ST18: variants seen among roughly 807,000 people sequenced by gnomAD.
ST18 encodes suppression of tumorigenicity 18 protein.
Under a neutral mutation model 110.0 loss-of-function variants are expected in ST18, and 50 were observed. That is an observed-to-expected ratio of 0.45 (90% confidence interval 0.36 to 0.58). The LOEUF is 0.58. Ranked by LOEUF, ST18 falls within the 20% of genes least tolerant of loss-of-function variation. The pLI, the probability that ST18 is intolerant of heterozygous loss-of-function variation, is 0.00. For synonymous variants in ST18, 461 were observed against 452.4 expected, an observed-to-expected ratio of 1.02 and a Z score of -0.24; for missense variants, 1,306 against 1,280.1, an observed-to-expected ratio of 1.02 and a Z score of -0.31.
intron 2 of ST18, among the ~76,000 whole-genome samples, chr8:52,367,159 G>A (rs756604563): frequency 6.6e-6 from 1 of 151,900 alleles, no homozygotes; most frequent in South Asian, 2.1e-4. Context: ...TTGAATCCGG[G>A]AGGTAGAGGC....
intron 2 of ST18, among the ~76,000 whole-genome samples, chr8:52,263,597 GT>G (rs1414263750): frequency 7.2e-6 from 1 of 138,472 alleles, no homozygotes; most frequent in African/African-American, 2.8e-5. Flanking sequence ...ATATCATGTA[GT>G]TTTTTTGTTT....
At chr8:52,350,008 G>A (rs981325129) in intron 2 of ST18, among the ~76,000 whole-genome samples, 18 of 152,168 alleles carry the variant, frequency 1.2e-4, no homozygotes, top group South Asian at 6.2e-4. Context: ...GCAACTCCAC[G>A]CCCTTCCTCC....
intron 2 of ST18, among the ~76,000 whole-genome samples, chr8:52,345,688 G>A (rs959912371): frequency 1.3e-5 from 2 of 152,176 alleles, no homozygotes; most frequent in African/African-American, 2.4e-5. Context: ...CTAAAGACTT[G>A]TCATTAAGTG....
At chr8:52,146,401 T>C (rs544137401) in intron 16 of ST18, among the ~76,000 whole-genome samples, 1 of 152,284 alleles carries the variant, frequency 6.6e-6, no homozygotes, top group African/African-American at 2.4e-5. Context: ...TAAATTTTTC[T>C]CAATAACCCC....
intron 2 of ST18, among the ~76,000 whole-genome samples, chr8:52,291,360 A>T (rs888396205): frequency 3.3e-5 from 5 of 152,188 alleles, no homozygotes; most frequent in African/African-American, 1.2e-4. Context: ...GTGTGTGGAG[A>T]TGCTGACTGC....
chr8:52,147,524 A>G (rs1325487103), intron 16 of ST18, among the ~76,000 whole-genome samples: 1 of 152,098 alleles, frequency 6.6e-6, no homozygotes, highest in Non-Finnish European at 1.5e-5. Context: ...TTTTGTTACT[A>G]CCCAGGATTG....
At chr8:52,154,752 G>C (rs2059616400) in intron 15 of ST18, 1 of 152,154 alleles carries the variant, frequency 6.6e-6, no homozygotes, top group East Asian at 1.9e-4. Context: ...AGTGGTTCAT[G>C]CCTGTAATCC....
chr8:52,270,304 G>A (rs2095031895), intron 2 of ST18, among the ~76,000 whole-genome samples: 1 of 152,140 alleles, frequency 6.6e-6, no homozygotes, highest in Non-Finnish European at 1.5e-5. Context: ...TTCATCAAAT[G>A]TTTGCTCTGT....
intron 8 of ST18, among the ~76,000 whole-genome samples, chr8:52,197,889 G>GCA (rs57662247): frequency 0.15 from 22,716 of 150,124 alleles, 2,732 homozygotes; most frequent in African/African-American, 0.33. Context: ...AACAAAATGA[G>GCA]CACACACACA....
intron 2 of ST18, among the ~76,000 whole-genome samples, chr8:52,276,065 A>G (rs2095234808): frequency 2.3e-5 from 3 of 129,154 alleles, no homozygotes; most frequent in African/African-American, 8.8e-5. Flanking sequence ...GACATCACAC[A>G]TACACATCAC....
chr8:52,155,745 T>C (rs1354381134), intron 15 of ST18, among the ~76,000 whole-genome samples: 1 of 152,206 alleles, frequency 6.6e-6, no homozygotes, highest in African/African-American at 2.4e-5. Context: ...TCCTATGATC[T>C]TCTACAAGAT....
chr8:52,154,657 T>C (rs2059598419), intron 15 of ST18: 1 of 152,174 alleles, frequency 6.6e-6, no homozygotes, highest in African/African-American at 2.4e-5. Flanking sequence ...GGCCCCTTTG[T>C]GTCTTCCAAA....
chr8:52,319,151 T>C (rs989623790), intron 2 of ST18, among the ~76,000 whole-genome samples: 4 of 152,160 alleles, frequency 2.6e-5, no homozygotes, highest in African/African-American at 7.2e-5. Flanking sequence ...ACAAAAAATA[T>C]TGGTGAAAGT....
intron 2 of ST18, among the ~76,000 whole-genome samples, chr8:52,271,285 T>C (rs2095067084): frequency 6.6e-6 from 1 of 152,214 alleles, no homozygotes; most frequent in African/African-American, 2.4e-5. Context: ...CTCTTCCAGA[T>C]TGCATTCCAC....
intron 25 of ST18, 48 bp downstream of exon 25, chr8:52,116,227 A>G: frequency 6.3e-7 from 1 of 1,589,754 alleles, no homozygotes; most frequent in African/African-American, 1.3e-5. Flanking sequence ...GCATGATGAC[A>G]CTGCAAATGC....
intron 2 of ST18, chr8:52,254,390 G>C (rs1322024852): frequency 6.6e-6 from 1 of 152,144 alleles, no homozygotes; most frequent in Non-Finnish European, 1.5e-5. Flanking sequence ...ACCTGCGTTT[G>C]TGTCCCCTCC....
rs148587231 is a variant in ST18 at position 52,142,192 on chromosome 8, C to G, written c.2168+738G>C. On this transcript the variant is annotated intron_variant, in intron 17 of 25. Coordinates refer to ENST00000689386, the MANE Select transcript of ST18 (RefSeq NM_001352837.2). ...GAAAGATTCAGGAGGGAAACTGCAT[C>G]ACACAGTAGCAACAACTTTCTTGAT... Among the ~76,000 whole-genome samples, 1,390 of 152,232 alleles carry G rather than the reference C, an allele frequency of 9.1e-3. 22 individuals are homozygous for G. Among genetic ancestry groups the G allele is most frequent in the South Asian group, 0.016 (77 of 4,816 alleles).
rs993309171 is a variant in ST18 at position 52,204,922 on chromosome 8, T to C, written c.86+7157A>G. On this transcript the variant is annotated intron_variant, in intron 8 of 25. Transcript: ENST00000689386. ...TGAAGAGAAAAACAGGCAAAGAAAATAAAGCATGTTTTCCTGCTCTTATTT... is the reference window on the plus strand; with the variant it reads ...TGAAGAGAAAAACAGGCAAAGAAAACAAAGCATGTTTTCCTGCTCTTATTT... 2.6e-5 allele frequency among the ~76,000 whole-genome samples: 4 copies of C among 152,172 alleles called. No individual in the cohort carries two copies. The East Asian group carries it at 7.7e-4, about 29-fold the overall frequency.
At chr8:52,293,649 G>A (rs1413827537) in intron 2 of ST18, among the ~76,000 whole-genome samples, 1 of 151,966 alleles carries the variant, frequency 6.6e-6, no homozygotes, top group Non-Finnish European at 1.5e-5. Context: ...TTATGTTTTT[G>A]TTATATTTGC....
Sources: allele counts gnomAD v4.1 joint callset (sites outside exome capture counted in the v4.1 genomes callset), GRCh38; gene constraint gnomAD v4.1.1; transcripts MANE v1.5; gene names NCBI Gene and HGNC (gene_info 2026-07-23, HGNC 2026-07-21).